Variants in GRK7 observed in about 807,000 individuals in gnomAD.
The protein encoded by GRK7 is rhodopsin kinase GRK7.
GRK7 carries 24 observed loss-of-function variants against 34.1 expected under a neutral mutation model. The ratio of observed to expected loss-of-function variants is 0.70; its 90% CI spans 0.51 to 0.99. GRK7 has a LOEUF of 0.99. Ranked by LOEUF, GRK7 falls within the 50% of genes least tolerant of loss-of-function variation. GRK7 has a pLI of 0.00. For synonymous variants in GRK7, 256 were observed against 279.4 expected (o/e 0.92, Z 0.84); for missense variants, 644 against 707.3 (o/e 0.91, Z 1.02).
chr3:141,765,928 G>C (rs2084578549), intron 1 of GRK7, among the ~76,000 whole-genome samples, 190 bp downstream of exon 1: 1 of 152,138 alleles, frequency 6.6e-6, no homozygotes, highest in South Asian at 2.1e-4. Context: ...GTGCTATCAG[G>C]TAAGAGGTGT....
chr3:141,798,686 T>C (rs1436791418), intron 4 of GRK7, among the ~76,000 whole-genome samples: 1 of 152,056 alleles, frequency 6.6e-6, no homozygotes, highest in African/African-American at 2.4e-5. Flanking sequence ...CCCACCCTAC[T>C]CTGAGGAGGC....
At chr3:141,806,280 C>T (rs116680874) in intron 4 of GRK7, among the ~76,000 whole-genome samples, 5,665 of 152,116 alleles carry the variant, frequency 0.037, 363 homozygotes, top group African/African-American at 0.13. Context: ...AAGTCCGAGT[C>T]GGCCAGGCAC....
At chr3:141,793,197 C>G (rs915828308) in intron 4 of GRK7, among the ~76,000 whole-genome samples, 2 of 152,134 alleles carry the variant, frequency 1.3e-5, no homozygotes, top group African/African-American at 4.8e-5. Flanking sequence ...TAATTGAACC[C>G]AAAGAGAGGT....
intron 3 of GRK7, 107 bp downstream of exon 3, chr3:141,779,003 A>T: frequency 9.2e-7 from 1 of 1,089,578 alleles, no homozygotes; most frequent in East Asian, 2.4e-5. Context: ...TAATTTCAGC[A>T]CCATATGTGG....
At chr3:141,770,769 T>C (rs1181092391) in intron 1 of GRK7, among the ~76,000 whole-genome samples, 1 of 151,956 alleles carries the variant, frequency 6.6e-6, no homozygotes, top group African/African-American at 2.4e-5. Context: ...TTGGTGAGGA[T>C]GTTGAGAAAG....
chr3:141,778,896 GGTAA>G lies in GRK7; in HGVS notation c.612+3_612+6del, dbSNP rs2084656599. 2 of 1,604,182 alleles carry G rather than the reference GGTAA, an allele frequency of 1.2e-6. No homozygotes were observed. Among genetic ancestry groups the G allele is most frequent in the Non-Finnish European group, 1.7e-6 (2 of 1,176,076 alleles). On this transcript the variant is annotated splice_donor_variant and splice_donor_region_variant and intron_variant, in intron 3 of 5. Transcript: ENST00000682958. LOFTEE classifies it high-confidence loss of function. The surrounding 1 kb of genome is among the most constrained non-coding windows in gnomAD (Gnocchi z 4.1). ...TGCTGGGGAAAGGTGGTTTTGGGGA[GGTAA>G]GTGTCTCCCAGTAGCCAGGCTAGAA...
the GRK7 span, among the ~76,000 whole-genome samples, chr3:141,750,119 T>C: frequency 6.6e-6 from 1 of 152,230 alleles, no homozygotes; most frequent in Non-Finnish European, 1.5e-5. Context: ...ATTAGGCTGG[T>C]GCAAAAGTAA....
At chr3:141,804,736 C>T (rs539361059) in intron 4 of GRK7, among the ~76,000 whole-genome samples, 19 of 151,846 alleles carry the variant, frequency 1.3e-4, no homozygotes, top group Non-Finnish European at 2.5e-4. Context: ...CTCACCCTCA[C>T]ATACACATAC....
At chr3:141,796,680 G>A (rs370363387) in intron 4 of GRK7, among the ~76,000 whole-genome samples, 20 of 152,252 alleles carry the variant, frequency 1.3e-4, no homozygotes, top group Middle Eastern at 3.4e-3. Flanking sequence ...GTTTTCTTCT[G>A]AGCATCTTAG....
chr3:141,770,994 CAAAAAAAAA>C (rs55988355), intron 1 of GRK7, among the ~76,000 whole-genome samples: 1 of 84,768 alleles, frequency 1.2e-5, no homozygotes, highest in Non-Finnish European at 2.3e-5. Context: ...TACCCAGTCT[CAAAAAAAAA>C]AAAAAAAAAA....
intron 4 of GRK7, among the ~76,000 whole-genome samples, chr3:141,784,515 A>C (rs897864782): frequency 6.6e-6 from 1 of 152,314 alleles, no homozygotes; most frequent in South Asian, 2.1e-4. Flanking sequence ...TCCTTTCTTC[A>C]CTGTTTACCC....
At chr3:141,808,569 C>T (rs891574398) in intron 5 of GRK7, among the ~76,000 whole-genome samples, 3 of 151,712 alleles carry the variant, frequency 2.0e-5, no homozygotes, top group Admixed American at 6.6e-5. Flanking sequence ...AAAAATTAGC[C>T]GGGGGCGGTG....
intron 4 of GRK7, among the ~76,000 whole-genome samples, chr3:141,804,460 C>T (rs1711002605): frequency 6.6e-6 from 1 of 152,296 alleles, no homozygotes; most frequent in South Asian, 2.1e-4. Context: ...TGCACATGCT[C>T]ATTACCTGGA....
rs1393050124 is a variant in GRK7 at position 141,763,786 on chromosome 3, C to G, written c.-2167C>G. 1.3e-5 allele frequency among the ~76,000 whole-genome samples: 2 copies of G among 152,210 alleles called. No homozygotes were observed. The highest frequency in any genetic ancestry group is 2.9e-5 in the Non-Finnish European group (2 of 68,036). On this transcript the variant is annotated 5_prime_UTR_variant, in exon 1 of 6. Transcript: ENST00000682958. ...TTTACATTCCCTTTTATTCCTGCAA[C>G]TCCCACCCCTTCCTGACTTCTGAAA...
At chr3:141,762,249 A>G (rs1056198986), upstream of GRK7, among the ~76,000 whole-genome samples, 2 of 151,726 alleles carry the variant, frequency 1.3e-5, no homozygotes, top group African/African-American at 4.8e-5. Flanking sequence ...TTGTGGTTTT[A>G]TCTACTTTTG....
At chr3:141,797,409 C>T (rs1046548519) in intron 4 of GRK7, among the ~76,000 whole-genome samples, 10 of 152,170 alleles carry the variant, frequency 6.6e-5, no homozygotes, top group Non-Finnish European at 1.2e-4. Flanking sequence ...CCGAGGTCTG[C>T]AAAGGCCACT....
rs372813981 is a variant in GRK7, at chr3:141,799,072, GAACCCTC to G, written c.1051-8572_1051-8566del. On this transcript the variant is annotated intron_variant, in intron 4 of 5. Transcript: ENST00000682958. Reference sequence around the variant, plus strand: ...GCCCAGGGTCTGGTCCCATCTCCCAGAACCCTCTGCTGTGTGGAGCAGCCGAGCCAGC... The same window carrying G: ...GCCCAGGGTCTGGTCCCATCTCCCAGTGCTGTGTGGAGCAGCCGAGCCAGC... Among the ~76,000 whole-genome samples, 1,026 of 152,266 alleles carry G rather than the reference GAACCCTC, an allele frequency of 6.7e-3. 14 individuals are homozygous for G. Among genetic ancestry groups the G allele is most frequent in the African/African-American group, 0.024 (997 of 41,550 alleles).
chr3:141,762,832 T>C (rs943803430), upstream of GRK7, among the ~76,000 whole-genome samples: 2 of 152,238 alleles, frequency 1.3e-5, no homozygotes, highest in African/African-American at 4.8e-5. Context: ...TCTCGTGGTG[T>C]GCCGTTCTTT....
At chr3:141,803,767 G>T (rs1258715375) in intron 4 of GRK7, among the ~76,000 whole-genome samples, 2 of 152,076 alleles carry the variant, frequency 1.3e-5, no homozygotes, top group African/African-American at 2.4e-5. Context: ...TGTCATTCAG[G>T]CTGGGGTGCA....
Sources: allele counts gnomAD v4.1 joint callset (sites outside exome capture counted in the v4.1 genomes callset), GRCh38; gene constraint gnomAD v4.1.1; non-coding constraint Gnocchi (gnomAD v3.1); transcripts MANE v1.5; gene names NCBI Gene and HGNC (gene_info 2026-07-23, HGNC 2026-07-21).